The following FARS2 variants were observed in gnomAD, a reference collection of about 807,000 sequenced individuals.
The protein encoded by FARS2 is phenylalanyl-tRNA synthetase 2, mitochondrial.
FARS2 carries 40 observed loss-of-function variants against 46.4 expected under a neutral mutation model. The ratio of observed to expected loss-of-function variants is 0.86; its 90% CI spans 0.67 to 1.12. FARS2 has a LOEUF of 1.12. FARS2 is among the 50% of genes most tolerant of loss of function. The pLI is 0.00. For synonymous variants in FARS2, 234 were observed against 214.9 expected, an observed-to-expected ratio of 1.09 and a Z score of -0.78; for missense variants, 513 against 567.9, an observed-to-expected ratio of 0.90 and a Z score of 0.98.
chr6:5,403,347 G>A (rs1761372579), intron 2 of FARS2, among the ~76,000 whole-genome samples: 1 of 152,126 alleles, frequency 6.6e-6, no homozygotes, highest in African/African-American at 2.4e-5. Flanking sequence ...AGGGGGATGA[G>A]TCTTTTAGGG....
At chr6:5,468,782 A>C (rs972285527) in intron 4 of FARS2, among the ~76,000 whole-genome samples, 14 of 152,212 alleles carry the variant, frequency 9.2e-5, no homozygotes, top group African/African-American at 2.7e-4. Flanking sequence ...CTGATCTTAC[A>C]CAGGAAAATG....
intron 4 of FARS2, among the ~76,000 whole-genome samples, chr6:5,487,013 A>G (rs1254970747): frequency 6.6e-6 from 1 of 151,228 alleles, no homozygotes; most frequent in East Asian, 1.9e-4. Flanking sequence ...CACTGACAGA[A>G]ATGAAGCTGG....
chr6:5,277,566 A>T (rs1766423699), intron 1 of FARS2, among the ~76,000 whole-genome samples: 1 of 152,176 alleles, frequency 6.6e-6, no homozygotes, highest in Non-Finnish European at 1.5e-5. Context: ...TACTCGATAC[A>T]TTTGTTTGTA....
chr6:5,288,497 T>G (rs1767282959), intron 1 of FARS2, among the ~76,000 whole-genome samples: 1 of 152,228 alleles, frequency 6.6e-6, no homozygotes, highest in South Asian at 2.1e-4. Flanking sequence ...TTCTCACTTG[T>G]GCACTGTACG....
intron 6 of FARS2, chr6:5,665,275 G>A (rs1778056140): frequency 6.6e-6 from 1 of 152,434 alleles, no homozygotes; most frequent in Admixed American, 6.5e-5. Context: ...CAGGTGAATA[G>A]GGGCCATGGT....
At chr6:5,281,302 G>A (rs191210727) in intron 1 of FARS2, among the ~76,000 whole-genome samples, 37 of 152,240 alleles carry the variant, frequency 2.4e-4, no homozygotes, top group East Asian at 1.3e-3. Flanking sequence ...ATGTATTAGA[G>A]GCATCAGGTT....
intron 1 of FARS2, among the ~76,000 whole-genome samples, chr6:5,358,722 T>C (rs1758097528): frequency 6.6e-6 from 1 of 152,240 alleles, no homozygotes; most frequent in Non-Finnish European, 1.5e-5. Flanking sequence ...AATTTTGCAG[T>C]GTCTTTGGTC....
intron 6 of FARS2, among the ~76,000 whole-genome samples, chr6:5,711,213 CAAT>C: frequency 6.6e-6 from 1 of 152,044 alleles, no homozygotes; most frequent in East Asian, 1.9e-4. Context: ...GCAAAATAAA[CAAT>C]AGAGTGCTGG....
intron 4 of FARS2, chr6:5,466,747 C>T (rs1765538727): frequency 1.0e-6 from 1 of 979,392 alleles, no homozygotes. Context: ...GTGTGTGGTG[C>T]CTGGGATCTG....
intron 3 of FARS2, among the ~76,000 whole-genome samples, chr6:5,420,581 A>G (rs1762488157): frequency 1.3e-5 from 2 of 152,228 alleles, no homozygotes; most frequent in African/African-American, 4.8e-5. Flanking sequence ...GTGGGGCAGT[A>G]AAATCTTAAA....
intron 5 of FARS2, among the ~76,000 whole-genome samples, chr6:5,585,227 G>A (rs1021833796): frequency 8.5e-5 from 13 of 152,114 alleles, no homozygotes; most frequent in Non-Finnish European, 1.3e-4. Flanking sequence ...GTGATGATGC[G>A]ATGTCTGCAT....
intron 5 of FARS2, among the ~76,000 whole-genome samples, chr6:5,606,722 G>A (rs1376701002): frequency 6.6e-6 from 1 of 152,136 alleles, no homozygotes; most frequent in East Asian, 1.9e-4. Flanking sequence ...GGCTCTTCTA[G>A]TCCCCCAGTT....
chr6:5,320,677 T>C (rs1042331528), intron 1 of FARS2, among the ~76,000 whole-genome samples: 1 of 152,250 alleles, frequency 6.6e-6, no homozygotes, highest in Non-Finnish European at 1.5e-5. Flanking sequence ...AATGATGCTT[T>C]CTAAGACTTT....
At chr6:5,404,764 G>A in intron 3 of FARS2, 63 bp downstream of exon 3, 1 of 1,001,358 alleles carries the variant, frequency 1.0e-6, no homozygotes, top group Non-Finnish European at 1.4e-6. Context: ...AAGTGTTTTG[G>A]ATTTGGGTTT....
intron 6 of FARS2, among the ~76,000 whole-genome samples, chr6:5,657,089 T>C (rs1251794661): frequency 6.6e-6 from 1 of 152,252 alleles, no homozygotes; most frequent in East Asian, 1.9e-4. Context: ...ATACATTGTG[T>C]ATATATACAT....
intron 5 of FARS2, chr6:5,609,363 A>G (rs369651334): frequency 1.4e-5 from 17 of 1,250,544 alleles, no homozygotes; most frequent in African/African-American, 8.6e-5. Flanking sequence ...TCCTCCCTTC[A>G]TGGGTCCAAA....
chr6:5,500,628 A>C (rs1322991214), intron 4 of FARS2, among the ~76,000 whole-genome samples: 1 of 152,154 alleles, frequency 6.6e-6, no homozygotes, highest in African/African-American at 2.4e-5. Flanking sequence ...ATACCAGGGT[A>C]CCATGGTTAA....
At chr6:5,540,677 G>A (rs1282936590) in intron 4 of FARS2, among the ~76,000 whole-genome samples, 3 of 152,196 alleles carry the variant, frequency 2.0e-5, no homozygotes, top group African/African-American at 7.2e-5. Context: ...TGTAGGGACT[G>A]TTTTCTCAGA....
chr6:5,539,384 G>GTATATATA lies in FARS2; in HGVS notation c.905-5788_905-5781dup, dbSNP rs1554106819. Among the ~76,000 whole-genome samples the GTATATATA allele has an allele frequency of 3.4e-3, 270 of 79,584 alleles. 12 individuals are homozygous for GTATATATA. The highest frequency in any genetic ancestry group is 0.012 in the African/African-American group (254 of 21,616). 52.2% of individuals were successfully genotyped at this position (79,584 alleles called of 152,430 possible). A position where few individuals can be genotyped will look rare whatever the true frequency, so the allele number is the denominator to read the frequency against. On this transcript the variant is annotated intron_variant, in intron 4 of 6. Coordinates refer to ENST00000274680, the MANE Select transcript of FARS2 (RefSeq NM_006567.5). The stretch of plus-strand genomic sequence containing the variant: ...ACCATGCCCACCTAATTTTTTTTGT[G>GTATATATA]TATATATATATATATGTATATATTT...
Sources: allele counts gnomAD v4.1 joint callset (sites outside exome capture counted in the v4.1 genomes callset), GRCh38; gene constraint gnomAD v4.1.1; transcripts MANE v1.5; gene names NCBI Gene and HGNC (gene_info 2026-07-23, HGNC 2026-07-21).